NBN: variants seen among roughly 807,000 people sequenced by gnomAD.
NBN encodes the protein Nijmegen breakage syndrome 1 (nibrin).
NBN carries 88 observed loss-of-function variants against 90.8 expected under a neutral mutation model. The observed-to-expected ratio is 0.97, with a 90% confidence interval of 0.82 to 1.16. The LOEUF (loss-of-function observed/expected upper bound fraction) is 1.16. Ranked by LOEUF, NBN falls within the 50% of genes most tolerant of loss-of-function variation. The probability of loss-of-function intolerance (pLI) is 0.00; values close to 1 mark genes in which losing one functional copy is unlikely to be tolerated. For synonymous variants in NBN, 328 were observed against 295.1 expected, an observed-to-expected ratio of 1.11 and a Z score of -1.14; for missense variants, 894 against 869.6, an observed-to-expected ratio of 1.03 and a Z score of -0.35.
At chr8:89,943,513 C>G (rs1810048969) in intron 13 of NBN, 147 bp from the exon 14 acceptor site, 1 of 803,610 alleles carries the variant, frequency 1.2e-6, no homozygotes, top group Admixed American at 2.2e-5. Context: ...AGCAGTAACT[C>G]TGTTCTAAAC....
Position 89,953,586 on chromosome 8 carries a change from C to A in NBN, c.1503G>T (p.Trp501Cys). 2 of 1,613,624 alleles carry A rather than the reference C, an allele frequency of 1.2e-6. No individual in the cohort carries two copies. The highest frequency in any genetic ancestry group is 1.1e-5 in the South Asian group (1 of 91,064). The stretch of plus-strand genomic sequence containing the variant: ...CAGATAGATGCTGCTCCTTATTTTT[C>A]CACAATGAGGGTGTAGCAGGTTGTG... ...EQTQPATPSL[W>C]KNKEQHLSEN... Residue 501 changes from tryptophan to cysteine, a missense_variant, in exon 11 of 16, where the codon TGG (tryptophan) becomes TGT (cysteine). Physicochemically the swap from Trp to Cys is radical, Grantham distance 215 (BLOSUM62 -2). Coordinates refer to ENST00000265433, the MANE Select transcript of NBN (RefSeq NM_002485.5).
At chr8:89,940,671 TAAAG>T (rs1474121411) in intron 14 of NBN, among the ~76,000 whole-genome samples, 2 of 136,354 alleles carry the variant, frequency 1.5e-5, no homozygotes, top group Non-Finnish European at 3.2e-5. Context: ...AAAAAACAGA[TAAAG>T]AACCTAATCT....
At chr8:89,961,285 G>A (rs1810981378) in intron 8 of NBN, among the ~76,000 whole-genome samples, 1 of 152,170 alleles carries the variant, frequency 6.6e-6, no homozygotes, top group Non-Finnish European at 1.5e-5. Context: ...CAATAGCTTA[G>A]TTCAATTACG....
At chr8:89,969,546 A>C (rs1428781747) in intron 7 of NBN, among the ~76,000 whole-genome samples, 1 of 152,256 alleles carries the variant, frequency 6.6e-6, no homozygotes, top group Non-Finnish European at 1.5e-5. Flanking sequence ...TTAAAGTAAC[A>C]AAAAAGCATA....
At chr8:89,974,292 A>G (rs529561128) in intron 5 of NBN, among the ~76,000 whole-genome samples, 1 of 144,628 alleles carries the variant, frequency 6.9e-6, no homozygotes, top group African/African-American at 2.6e-5. Flanking sequence ...AAAAGGCTAG[A>G]CTACAGTGAC....
At chr8:89,959,930 C>A (rs1310184950) in intron 8 of NBN, among the ~76,000 whole-genome samples, 1 of 152,172 alleles carries the variant, frequency 6.6e-6, no homozygotes, top group Non-Finnish European at 1.5e-5. Context: ...ACATAGTAAG[C>A]ACTGTGCCAG....
In NBN at chr8:89,984,589, A is replaced by T. The variant is rs909740770; in HGVS notation, c.-28T>A. The T allele has an allele frequency of 6.2e-7, 1 of 1,611,982 alleles. No individual in the cohort carries two copies. Among genetic ancestry groups the T allele is most frequent in the South Asian group, 1.1e-5 (1 of 90,884 alleles). ...GTCCGGCTCCTCAGGGCTGGGGCCG[A>T]CGTGCAACCGCGTAACCGGGGCTGC... On this transcript the variant is annotated 5_prime_UTR_variant, in exon 1 of 16. Coordinates refer to ENST00000265433, the MANE Select transcript of NBN (RefSeq NM_002485.5).
intron 5 of NBN, among the ~76,000 whole-genome samples, chr8:89,975,600 G>A (rs987643449): frequency 6.6e-6 from 1 of 152,152 alleles, no homozygotes; most frequent in African/African-American, 2.4e-5. Flanking sequence ...CACCGAATTA[G>A]GAGGGATTCA....
At chr8:89,975,606 A>T (rs1811717486) in intron 5 of NBN, among the ~76,000 whole-genome samples, 1 of 152,232 alleles carries the variant, frequency 6.6e-6, no homozygotes, top group African/African-American at 2.4e-5. Context: ...ATTAGGAGGG[A>T]TTCAACAATC....
At chr8:89,940,541 T>C (rs562188855) in intron 14 of NBN, among the ~76,000 whole-genome samples, 4 of 151,326 alleles carry the variant, frequency 2.6e-5, no homozygotes, top group African/African-American at 7.3e-5. Flanking sequence ...TGATCCTTTA[T>C]GTAGCAAACA....
intron 9 of NBN, 66 bp from the exon 10 acceptor site, chr8:89,955,621 A>G: frequency 6.6e-7 from 1 of 1,510,120 alleles, no homozygotes; most frequent in Non-Finnish European, 9.0e-7. Context: ...AGAGAAACAA[A>G]GATCGTTAAA....
At chr8:89,945,149 C>A (rs1810130906) in intron 13 of NBN, among the ~76,000 whole-genome samples, 2 of 152,074 alleles carry the variant, frequency 1.3e-5, no homozygotes, top group Admixed American at 6.5e-5. Context: ...TAAAAAAAGT[C>A]TTTTGAATTT....
chr8:89,980,338 C>T (rs1298257458), intron 4 of NBN, among the ~76,000 whole-genome samples: 1 of 151,964 alleles, frequency 6.6e-6, no homozygotes, highest in Non-Finnish European at 1.5e-5. Flanking sequence ...AGATGAATCA[C>T]CTGGAGATTG....
intron 1 of NBN, 86 bp from the exon 2 acceptor site, chr8:89,982,941 G>C: frequency 7.5e-7 from 1 of 1,332,076 alleles, no homozygotes; most frequent in South Asian, 1.2e-5. Context: ...AAGTGTATAT[G>C]ATATAGGTAT....
intron 8 of NBN, among the ~76,000 whole-genome samples, chr8:89,961,294 C>A (rs766175300): frequency 1.3e-5 from 2 of 152,170 alleles, no homozygotes; most frequent in African/African-American, 2.4e-5. Context: ...AGTTCAATTA[C>A]GCAAAATATT....
chr8:89,966,832 C>G (rs945971249), intron 7 of NBN, among the ~76,000 whole-genome samples: 1 of 152,084 alleles, frequency 6.6e-6, no homozygotes, highest in Admixed American at 6.6e-5. Context: ...GAAAGGCAGA[C>G]TGATGAATGA....
intron 8 of NBN, among the ~76,000 whole-genome samples, chr8:89,961,314 T>C (rs967940641): frequency 3.9e-5 from 6 of 152,320 alleles, no homozygotes; most frequent in African/African-American, 1.4e-4. Flanking sequence ...TTATACCTAT[T>C]ACAAACAAGT....
At chr8:89,936,087 C>CTTT (rs35393048) in intron 15 of NBN, 4,746 of 279,560 alleles carry the variant, frequency 0.017, 34 homozygotes, top group African/African-American at 0.029. Flanking sequence ...TCTGTCAACA[C>CTTT]TTTTTTTTTT....
chr8:89,983,157 T>G (rs768776398), intron 1 of NBN, among the ~76,000 whole-genome samples: 4 of 152,096 alleles, frequency 2.6e-5, no homozygotes, highest in Non-Finnish European at 4.4e-5. Flanking sequence ...GGCTACATCA[T>G]TTTTCTAAAG....
Sources: gnomAD v4.1 joint callset for allele counts (sites outside exome capture counted in the v4.1 genomes callset) on GRCh38, gnomAD v4.1.1 for gene constraint, MANE v1.5 for transcripts, NCBI Gene and HGNC (gene_info 2026-07-23, HGNC 2026-07-21) for gene names.